Variants in PLCB4 observed in about 807,000 individuals in gnomAD.
PLCB4 encodes the protein 1-phosphatidylinositol 4,5-bisphosphate phosphodiesterase beta-4.
PLCB4 carries 77 observed loss-of-function variants against 178.8 expected under a neutral mutation model. That is an observed-to-expected ratio of 0.43 (90% confidence interval 0.36 to 0.52). The LOEUF (loss-of-function observed/expected upper bound fraction) is 0.52, where lower values mean the gene tolerates loss of function less well. Among genes scored for constraint, PLCB4 ranks in the 20% least tolerant of loss-of-function variants. The pLI is 0.00. For synonymous variants in PLCB4, 496 were observed against 490.8 expected (o/e 1.01, Z -0.14); for missense variants, 1,024 against 1,453.4 (o/e 0.70, Z 4.80).
chr20:9,221,211 G>T (rs192890311), intron 3 of PLCB4, among the ~76,000 whole-genome samples: 1 of 152,060 alleles, frequency 6.6e-6, no homozygotes, highest in Non-Finnish European at 1.5e-5. Flanking sequence ...GCAGTGGGCC[G>T]CTCTGGAACA....
intron 28 of PLCB4, among the ~76,000 whole-genome samples, chr20:9,429,877 C>A (rs76536146): frequency 6.6e-6 from 1 of 152,174 alleles, no homozygotes; most frequent in African/African-American, 2.4e-5. Flanking sequence ...TATTCAAATG[C>A]CATTCTTCTG....
intron 3 of PLCB4, among the ~76,000 whole-genome samples, chr20:9,246,339 G>T (rs1482264336): frequency 2.0e-5 from 3 of 152,028 alleles, no homozygotes; most frequent in Non-Finnish European, 4.4e-5. Flanking sequence ...AATTACTTTT[G>T]CACCAACCTA....
chr20:9,266,028 C>T (rs1387441265), intron 3 of PLCB4, among the ~76,000 whole-genome samples: 2 of 152,114 alleles, frequency 1.3e-5, no homozygotes, highest in Non-Finnish European at 2.9e-5. Context: ...ATTCTTTTTA[C>T]CTGTGGTGAA....
chr20:9,463,933 T>C (rs1025777386), intron 35 of PLCB4, among the ~76,000 whole-genome samples: 14 of 152,164 alleles, frequency 9.2e-5, no homozygotes, highest in Non-Finnish European at 1.9e-4. Context: ...GCAGACCTAA[T>C]AGACATCTAC....
chr20:9,121,255 T>C (rs191679230), intron 2 of PLCB4, among the ~76,000 whole-genome samples: 110 of 152,294 alleles, frequency 7.2e-4, no homozygotes, highest in Middle Eastern at 6.8e-3. Context: ...GTCCCTGATA[T>C]GGAATATTCC....
At chr20:9,158,570 C>T (rs954487529) in intron 2 of PLCB4, among the ~76,000 whole-genome samples, 3 of 150,780 alleles carry the variant, frequency 2.0e-5, no homozygotes, top group Non-Finnish European at 4.4e-5. Flanking sequence ...CACCTGGCCA[C>T]TCTCACGTTT....
intron 3 of PLCB4, among the ~76,000 whole-genome samples, chr20:9,272,817 G>A (rs6118555): frequency 6.6e-6 from 1 of 151,760 alleles, no homozygotes; most frequent in Non-Finnish European, 1.5e-5. Context: ...GTCATGAAAA[G>A]GCTCTCCCAG....
chr20:9,328,324 CAG>C (rs1361217450), intron 4 of PLCB4, among the ~76,000 whole-genome samples: 2 of 152,122 alleles, frequency 1.3e-5, no homozygotes, highest in African/African-American at 2.4e-5. Flanking sequence ...TCAGTAGGAA[CAG>C]AGTTTTTCCT....
chr20:9,287,472 C>T (rs1319138990), intron 3 of PLCB4, among the ~76,000 whole-genome samples: 1 of 152,070 alleles, frequency 6.6e-6, no homozygotes, highest in Non-Finnish European at 1.5e-5. Flanking sequence ...TAAGCTCCCT[C>T]ACAATTTTAA....
chr20:9,264,340 G>T, intron 3 of PLCB4, among the ~76,000 whole-genome samples: 1 of 152,150 alleles, frequency 6.6e-6, no homozygotes, highest in Admixed American at 6.5e-5. Context: ...CTGCTTATTT[G>T]CAGGAACGCT....
chr20:9,416,222 G>A (rs1382599161), intron 25 of PLCB4, among the ~76,000 whole-genome samples: 2 of 152,150 alleles, frequency 1.3e-5, no homozygotes, highest in African/African-American at 2.4e-5. Context: ...GATTTGAAAG[G>A]GGGGATGTGG....
In PLCB4 at chr20:9,464,863, G is replaced by A. The variant is rs190028538; in HGVS notation, c.3249-3708G>A. Among the ~76,000 whole-genome samples, 112 of 152,260 alleles carry A rather than the reference G, an allele frequency of 7.4e-4. 1 individual carries two copies. Among genetic ancestry groups the A allele is most frequent in the South Asian group, 2.7e-3 (13 of 4,824 alleles). Reference sequence around the variant, plus strand: ...AATTCTACCAGAGATACAAAGAGGAGCTGATACCATTCCTTCTGAAACTAT... The same window carrying A: ...AATTCTACCAGAGATACAAAGAGGAACTGATACCATTCCTTCTGAAACTAT... On this transcript the variant is annotated intron_variant, in intron 35 of 39. Coordinates refer to ENST00000378473, the MANE Select transcript of PLCB4 (RefSeq NM_001377142.1).
intron 28 of PLCB4, among the ~76,000 whole-genome samples, chr20:9,430,053 G>A (rs1231939370): frequency 1.3e-5 from 2 of 151,350 alleles, no homozygotes; most frequent in Non-Finnish European, 3.0e-5. Context: ...GATAGCTGAT[G>A]AGCTATAAAA....
intron 36 of PLCB4, among the ~76,000 whole-genome samples, chr20:9,468,959 CT>C (rs1170397127): frequency 4.0e-5 from 6 of 150,850 alleles, no homozygotes; most frequent in South Asian, 2.1e-4. Context: ...TAATATAATT[CT>C]TTTTTTTATT....
intron 9 of PLCB4, among the ~76,000 whole-genome samples, chr20:9,370,410 G>A (rs539801415): frequency 2.0e-5 from 3 of 152,214 alleles, no homozygotes; most frequent in Admixed American, 6.5e-5. Context: ...GATCACGCCC[G>A]TGTCAACTGT....
chr20:9,355,949 C>T (rs1192150822), intron 7 of PLCB4, among the ~76,000 whole-genome samples: 1 of 152,236 alleles, frequency 6.6e-6, no homozygotes, highest in Admixed American at 6.5e-5. Context: ...CACATCCTCT[C>T]CAGCACCTGT....
At chr20:9,363,914 A>T (rs1007395133) in intron 8 of PLCB4, among the ~76,000 whole-genome samples, 13 of 152,212 alleles carry the variant, frequency 8.5e-5, no homozygotes, top group African/African-American at 3.1e-4. Context: ...TCTTCTGGTC[A>T]TTGTGGCAGG....
At chr20:9,152,830 T>C (rs6056432) in intron 2 of PLCB4, among the ~76,000 whole-genome samples, 131,884 of 152,054 alleles carry the variant, frequency 0.87, 57,414 homozygotes, top group East Asian at 1. Context: ...AAACACTCAA[T>C]GCCAGCCCAT....
At chr20:9,442,059 A>G (rs916625469) in intron 30 of PLCB4, among the ~76,000 whole-genome samples, 4 of 152,200 alleles carry the variant, frequency 2.6e-5, no homozygotes, top group African/African-American at 9.7e-5. Context: ...CAATTAGCTA[A>G]AACCCAAAAT....
Sources: allele counts gnomAD v4.1 joint callset (sites outside exome capture counted in the v4.1 genomes callset), GRCh38; gene constraint gnomAD v4.1.1; transcripts MANE v1.5; gene names NCBI Gene and HGNC (gene_info 2026-07-23, HGNC 2026-07-21).